Variants in ADCY8 observed in about 807,000 individuals in gnomAD.
ADCY8 encodes the protein adenylate cyclase type 8.
ADCY8 carries 51 observed loss-of-function variants against 119.7 expected under a neutral mutation model. The ratio of observed to expected loss-of-function variants is 0.43; its 90% confidence interval spans 0.34 to 0.54. The LOEUF is 0.54. ADCY8 is among the 20% of genes least tolerant of loss of function. The pLI, the probability that ADCY8 is intolerant of heterozygous loss-of-function variation, is 0.03. For missense variants in ADCY8, 1,383 were observed against 1,598.8 expected, an observed-to-expected ratio of 0.87 and a Z score of 2.30; for synonymous variants, 665 against 651.0, an observed-to-expected ratio of 1.02 and a Z score of -0.33.
At chr8:130,894,699 A>G (rs1819322955) in intron 7 of ADCY8, among the ~76,000 whole-genome samples, 1 of 152,182 alleles carries the variant, frequency 6.6e-6, no homozygotes, top group Admixed American at 6.6e-5. Flanking sequence ...GGGGAAGTAA[A>G]AAGAAGTACA....
At chr8:131,032,280 C>T (rs1208501689) in intron 1 of ADCY8, among the ~76,000 whole-genome samples, 2 of 152,138 alleles carry the variant, frequency 1.3e-5, no homozygotes, top group Non-Finnish European at 2.9e-5. Flanking sequence ...GCTTCAAAGA[C>T]ATTTTGCAAT....
chr8:130,853,635 G>A (rs1817614129), intron 9 of ADCY8, among the ~76,000 whole-genome samples: 1 of 151,674 alleles, frequency 6.6e-6, no homozygotes, highest in African/African-American at 2.4e-5. Flanking sequence ...CTTTGGCATG[G>A]CGGGGAGTTC....
chr8:130,950,956 C>T (rs550202707), intron 3 of ADCY8, among the ~76,000 whole-genome samples: 1 of 152,290 alleles, frequency 6.6e-6, no homozygotes, highest in South Asian at 2.1e-4. Flanking sequence ...CCTTGGCCTC[C>T]CAAAGTGCTG....
At position 130,956,774 on chromosome 8, in the gene ADCY8, C is replaced by T. The variant is rs181281627; in HGVS notation, c.1111-4776G>A. Among the ~76,000 whole-genome samples, 6 of 152,284 alleles carry T rather than the reference C, an allele frequency of 3.9e-5. No homozygotes were observed. The East Asian group carries it at 1.2e-3, about 29-fold the overall frequency. ...TGTTCTCATGGTAGTGAATAAGTCT[C>T]ACTAGATTTGATGGTTTGATAAGGA... On this transcript the variant is annotated intron_variant, in intron 2 of 17. Transcript: ENST00000286355.
At chr8:130,923,928 A>G (rs1820387356) in intron 5 of ADCY8, among the ~76,000 whole-genome samples, 1 of 152,186 alleles carries the variant, frequency 6.6e-6, no homozygotes, top group South Asian at 2.1e-4. Context: ...TGTTATTCTT[A>G]GATGTTTATT....
At chr8:130,919,364 G>A (rs1247547922) in intron 5 of ADCY8, among the ~76,000 whole-genome samples, 1 of 152,144 alleles carries the variant, frequency 6.6e-6, no homozygotes, top group African/African-American at 2.4e-5. Flanking sequence ...GGCCAGGCCA[G>A]CTGTAGGCAC....
rs762002978 is a variant in ADCY8 at position 130,780,348 on chromosome 8, T to C, written c.*42A>G. The stretch of plus-strand genomic sequence containing the variant: ...TTTTTATTAGTATATTTATTTTATA[T>C]ATAAAAGAAATACAAAAAAAAAAAA... On this transcript the variant is annotated 3_prime_UTR_variant, in exon 18 of 18. Coordinates refer to ENST00000286355, the MANE Select transcript of ADCY8 (RefSeq NM_001115.3). 3 of 1,243,882 alleles carry C rather than the reference T, an allele frequency of 2.4e-6. No homozygotes were observed. The highest frequency in any genetic ancestry group is 3.0e-6 in the Non-Finnish European group (3 of 988,208). The allele number at this position is 1,243,882 out of a possible 1,614,324, so 77.1% of individuals were successfully genotyped here.
chr8:131,016,393 A>G (rs1369919992), intron 1 of ADCY8, among the ~76,000 whole-genome samples: 5 of 152,162 alleles, frequency 3.3e-5, no homozygotes, highest in Admixed American at 6.6e-5. Context: ...AGTCCCAGCT[A>G]CTCAGGAGGC....
At chr8:131,027,823 A>G (rs993870888) in intron 1 of ADCY8, among the ~76,000 whole-genome samples, 1 of 152,206 alleles carries the variant, frequency 6.6e-6, no homozygotes, top group Non-Finnish European at 1.5e-5. Flanking sequence ...ATGTGAAGTC[A>G]TATAGGACGG....
intron 13 of ADCY8, among the ~76,000 whole-genome samples, chr8:130,817,160 G>C (rs959764396): frequency 6.6e-6 from 1 of 152,184 alleles, no homozygotes; most frequent in African/African-American, 2.4e-5. Flanking sequence ...TAAATCACAA[G>C]ATAAAGTAAA....
chr8:130,975,915 A>T (rs113430914), intron 2 of ADCY8, among the ~76,000 whole-genome samples: 1,829 of 152,302 alleles, frequency 0.012, 46 homozygotes, highest in African/African-American at 0.042. Flanking sequence ...TCTGAAAATT[A>T]CTTTTATACT....
intron 5 of ADCY8, among the ~76,000 whole-genome samples, chr8:130,911,513 A>AT (rs36185098): frequency 1.3e-5 from 2 of 151,592 alleles, no homozygotes; most frequent in Admixed American, 6.6e-5. Flanking sequence ...ACTATTAAAA[A>AT]TTTTTTTTAA....
intron 7 of ADCY8, 131 bp downstream of exon 7, chr8:130,903,641 T>C: frequency 9.5e-7 from 1 of 1,054,044 alleles, no homozygotes; most frequent in East Asian, 2.4e-5. Context: ...AGAGATAGTT[T>C]GATCATTTGC....
At chr8:130,832,791 G>C (rs1816877705) in intron 12 of ADCY8, among the ~76,000 whole-genome samples, 1 of 152,178 alleles carries the variant, frequency 6.6e-6, no homozygotes, top group Admixed American at 6.5e-5. Context: ...TCATAAGAAG[G>C]AGAGAGGGAA....
intron 2 of ADCY8, among the ~76,000 whole-genome samples, chr8:130,976,778 A>T (rs1323553609): frequency 6.6e-6 from 1 of 152,232 alleles, no homozygotes; most frequent in Non-Finnish European, 1.5e-5. Flanking sequence ...TGCTTGCAGC[A>T]TTCTCAGGAG....
intron 5 of ADCY8, among the ~76,000 whole-genome samples, chr8:130,910,892 A>T (rs1298864914): frequency 6.6e-6 from 1 of 152,152 alleles, no homozygotes; most frequent in Non-Finnish European, 1.5e-5. Context: ...GCAGAAAATC[A>T]AATGGTAGAA....
Position 130,884,561 on chromosome 8 carries a change from T to A in ADCY8, c.2109+3A>T. 1 of 1,613,698 alleles carries A rather than the reference T, an allele frequency of 6.2e-7. No individual in the cohort carries two copies. Among genetic ancestry groups the A allele is most frequent in the Non-Finnish European group, 8.5e-7 (1 of 1,179,764 alleles). Reference sequence around the variant, plus strand: ...AAGAGCCGCTGTGGAGACCCAGCTCTACCTTGTGCTCCAGGCTGGAGTCTT... The same window carrying A: ...AAGAGCCGCTGTGGAGACCCAGCTCAACCTTGTGCTCCAGGCTGGAGTCTT... On this transcript the variant is annotated splice_donor_region_variant and intron_variant, in intron 8 of 17. Transcript: ENST00000286355.
rs142687215 is a variant in ADCY8, at chr8:130,862,314, T to C, written c.2210+5532A>G. ...TTAATTTTAGATCTCTTTTCTTTTATAATATATGCATTTAATGTAAATTTT... is the reference window on the plus strand; with the variant it reads ...TTAATTTTAGATCTCTTTTCTTTTACAATATATGCATTTAATGTAAATTTT... On this transcript the variant is annotated intron_variant, in intron 9 of 17. Coordinates refer to ENST00000286355, the MANE Select transcript of ADCY8 (RefSeq NM_001115.3). 3.9e-5 allele frequency among the ~76,000 whole-genome samples: 6 copies of C among 152,326 alleles called. No homozygotes were observed. In the East Asian group the frequency reaches 1.2e-3, roughly 29 times the overall value.
At chr8:130,944,092 C>G (rs1462408944) in intron 3 of ADCY8, among the ~76,000 whole-genome samples, 1 of 152,142 alleles carries the variant, frequency 6.6e-6, no homozygotes, top group Non-Finnish European at 1.5e-5. Flanking sequence ...GGCAGCTTCC[C>G]AAAGCCTTCT....
Sources: gnomAD v4.1 joint callset for allele counts (sites outside exome capture counted in the v4.1 genomes callset) on GRCh38, gnomAD v4.1.1 for gene constraint, MANE v1.5 for transcripts, NCBI Gene and HGNC (gene_info 2026-07-23, HGNC 2026-07-21) for gene names.